The following PKD2 variants were observed in gnomAD, a reference collection of about 807,000 sequenced individuals.
The protein encoded by PKD2 is polycystin-2.
In PKD2, 48 loss-of-function variants were observed where a neutral mutation model predicts 105.9. That is an observed-to-expected ratio of 0.45 (90% CI 0.36 to 0.58). The LOEUF (loss-of-function observed/expected upper bound fraction) is 0.58. Among genes scored for constraint, PKD2 ranks in the 20% least tolerant of loss-of-function variants. PKD2 has a pLI of 0.00. For synonymous variants in PKD2, 464 were observed against 481.1 expected (o/e 0.96, Z 0.46); for missense variants, 1,078 against 1,255.3 (o/e 0.86, Z 2.13).
intron 2 of PKD2, among the ~76,000 whole-genome samples, chr4:88,027,167 C>T (rs1489961770): frequency 1.3e-5 from 2 of 152,204 alleles, no homozygotes; most frequent in Non-Finnish European, 2.9e-5. Context: ...ATGGTAGATC[C>T]ACCAACAGAT....
intron 6 of PKD2, among the ~76,000 whole-genome samples, chr4:88,051,739 CACAT>C (rs1361669231): frequency 2.0e-5 from 3 of 152,124 alleles, no homozygotes; most frequent in African/African-American, 7.2e-5. Context: ...TATGTGCACA[CACAT>C]GCATGCATGC....
intron 13 of PKD2, among the ~76,000 whole-genome samples, chr4:88,068,506 T>C (rs1415840298): frequency 6.6e-6 from 1 of 152,086 alleles, no homozygotes; most frequent in African/African-American, 2.4e-5. Flanking sequence ...GTTTTGTTTC[T>C]TACATAATAT....
intron 10 of PKD2, 118 bp downstream of exon 10, chr4:88,062,122 T>G: frequency 1.5e-6 from 1 of 669,834 alleles, no homozygotes; most frequent in Non-Finnish European, 2.8e-6. Context: ...AAGAATACAT[T>G]GCTATATTTC....
At position 88,077,072 on chromosome 4, in the gene PKD2, G is replaced by A. The variant is rs370472461; in HGVS notation, c.*1378G>A. On this transcript the variant is annotated 3_prime_UTR_variant, in exon 15 of 15. Transcript: ENST00000237596. ...AAATCTTCTTTTACAGAAATGTTGA[G>A]TAAGGTGACATTTTGAGCGCTAATA... The A allele has an allele frequency of 8.5e-5, 13 of 152,322 alleles. 1 individual carries two copies. The East Asian group carries it at 1.9e-3, about 23-fold the overall frequency. 9.4% of individuals were successfully genotyped at this position (152,322 alleles called of 1,614,324 possible).
intron 6 of PKD2, among the ~76,000 whole-genome samples, chr4:88,048,673 G>A (rs192273251): frequency 3.0e-4 from 45 of 152,196 alleles, no homozygotes; most frequent in Admixed American, 1.1e-3. Flanking sequence ...CTGTAGAATA[G>A]ATGGTGTTGA....
Position 88,056,307 on chromosome 4 carries a change from G to T in PKD2, c.1898+40G>T, listed in dbSNP as rs1304862322. The stretch of plus-strand genomic sequence containing the variant: ...AATTAAGAAGAAAAATTTAATCAGA[G>T]TTGTCACTGCTTCTCAAGAATAAAT... On this transcript the variant is annotated intron_variant, in intron 8 of 14. Coordinates refer to ENST00000237596, the MANE Select transcript of PKD2 (RefSeq NM_000297.4). 3 of 1,228,084 alleles carry T rather than the reference G, an allele frequency of 2.4e-6. No homozygotes were observed. In the East Asian group the frequency reaches 7.4e-5, roughly 30 times the overall value. The allele number at this position is 1,228,084 out of a possible 1,614,324, so 76.1% of individuals were successfully genotyped here.
chr4:88,067,999 C>T lies in PKD2; in HGVS notation c.2460C>T (p.Ser820=), dbSNP rs572822238. 693 of 1,613,746 alleles carry T rather than the reference C, an allele frequency of 4.3e-4. 10 individuals are homozygous for T. In the South Asian group the frequency reaches 7.1e-3, roughly 16 times the overall value. ...DDSEEDDDED[S]GHSSRRRGSI... ...CTGAGGAGGATGACGATGAAGATAG[C>T]GGACATAGCTCCAGAAGGAGGGGAA... is the stretch of plus-strand genomic sequence containing the variant. The change falls in exon 13 of 15, where the codon AGC becomes AGT. Residue 820 remains serine (S), a synonymous_variant. Coordinates refer to ENST00000237596, the MANE Select transcript of PKD2 (RefSeq NM_000297.4).
chr4:88,065,304 A>G (rs1336365620), intron 10 of PKD2, 70 bp from the exon 11 acceptor site: 3 of 1,415,068 alleles, frequency 2.1e-6, no homozygotes, highest in East Asian at 4.6e-5. Flanking sequence ...ACTACTGTGA[A>G]TGGAAAGTAA....
At chr4:88,038,732 G>A (rs147232046) in intron 4 of PKD2, among the ~76,000 whole-genome samples, 34 of 152,178 alleles carry the variant, frequency 2.2e-4, no homozygotes, top group Admixed American at 4.6e-4. Flanking sequence ...AGACTAAATC[G>A]TTGACCATAT....
chr4:88,033,552 A>G (rs1727234504), intron 2 of PKD2, among the ~76,000 whole-genome samples: 2 of 152,228 alleles, frequency 1.3e-5, no homozygotes, highest in East Asian at 1.9e-4. Flanking sequence ...TGAAGCTATT[A>G]AAGCCAATAC....
intron 4 of PKD2, among the ~76,000 whole-genome samples, chr4:88,041,108 A>G (rs1186952337): frequency 6.6e-6 from 1 of 152,170 alleles, no homozygotes; most frequent in African/African-American, 2.4e-5. Flanking sequence ...GCCCCAAACT[A>G]AACTCATCGT....
At chr4:88,025,471 A>T (rs2110094892) in intron 2 of PKD2, among the ~76,000 whole-genome samples, 1 of 152,016 alleles carries the variant, frequency 6.6e-6, no homozygotes, top group South Asian at 2.1e-4. Context: ...AAAATTAGCC[A>T]GGCATGGTGG....
Position 88,042,918 on chromosome 4 carries a change from C to T in PKD2, c.1095-315C>T, listed in dbSNP as rs189987427. Among the ~76,000 whole-genome samples the T allele has an allele frequency of 1.8e-3, 272 of 152,242 alleles. 1 individual carries two copies. Among genetic ancestry groups the T allele is most frequent in the African/African-American group, 6.2e-3 (257 of 41,542 alleles). Reference sequence around the variant, plus strand: ...AGCACAGTTACCCAGAGAAGGCAGCCGTATAAACTGAGCAGAGGCTCTAGA... The same window carrying T: ...AGCACAGTTACCCAGAGAAGGCAGCTGTATAAACTGAGCAGAGGCTCTAGA... On this transcript the variant is annotated intron_variant, in intron 4 of 14. Coordinates refer to ENST00000237596, the MANE Select transcript of PKD2 (RefSeq NM_000297.4).
At position 88,007,906 on chromosome 4, in the gene PKD2, G is replaced by A. The variant is rs1726230143; in HGVS notation, c.173G>A (p.Arg58His). ...CGGGGCCTGGAGATCGAGATGCAGC[G>A]CATCCGGCAGGCGGCCGCGCGGGAC... ...EQRGLEIEMQRIRQAAARDPP... is the reference protein window; with the variant it reads ...EQRGLEIEMQHIRQAAARDPP... The change falls in exon 1 of 15, where the codon CGC (arginine) becomes CAC (histidine). Residue 58 changes from arginine to histidine, a missense_variant. Coordinates refer to ENST00000237596, the MANE Select transcript of PKD2 (RefSeq NM_000297.4). 1.4e-6 allele frequency: 2 copies of A among 1,426,210 alleles called. No homozygotes were observed. The highest frequency in any genetic ancestry group is 2.4e-5 in the Admixed American group (1 of 42,548). 88.3% of individuals were successfully genotyped at this position (1,426,210 alleles called of 1,614,324 possible).
chr4:88,063,698 C>T (rs149956694), intron 10 of PKD2, among the ~76,000 whole-genome samples: 14 of 152,020 alleles, frequency 9.2e-5, no homozygotes, highest in African/African-American at 3.4e-4. Context: ...TCAAGAGATC[C>T]AGATATGGAG....
rs1560591780 is a variant in PKD2 at position 88,007,786 on chromosome 4, CG to C, written c.54del (p.Ala20ArgfsTer10). 4.3e-6 allele frequency: 5 copies of C among 1,159,210 alleles called. No individual in the cohort carries two copies. The highest frequency in any genetic ancestry group is 5.3e-6 in the Non-Finnish European group (5 of 936,782). The allele number at this position is 1,159,210 out of a possible 1,614,324, so 71.8% of individuals were successfully genotyped here. On this transcript the variant is annotated frameshift_variant, in exon 1 of 15. Transcript: ENST00000237596. LOFTEE classifies it high-confidence loss of function. ...QPQQPGDAKR[P>X]PAPRAPDPGR... Reference sequence around the variant, plus strand: ...CAGCAGCCCGGGGACGCCAAGCGGCCGCCCGCGCCCCGCGCGCCGGACCCGG... The same window carrying C: ...CAGCAGCCCGGGGACGCCAAGCGGCCCCCGCGCCCCGCGCGCCGGACCCGG...
rs116556389 is a variant in PKD2 at position 88,010,117 on chromosome 4, C to T, written c.595+1789C>T. On this transcript the variant is annotated intron_variant, in intron 1 of 14. Transcript: ENST00000237596. ...GAATTTTTTTTTTTTTTTTAAGAGTCGGGGTTTCACTCTGTCACTGAGGCT... is the reference window on the plus strand; with the variant it reads ...GAATTTTTTTTTTTTTTTTAAGAGTTGGGGTTTCACTCTGTCACTGAGGCT... 9.4e-3 allele frequency among the ~76,000 whole-genome samples: 1,376 copies of T among 146,810 alleles called. 26 individuals are homozygous for T. The highest frequency in any genetic ancestry group is 0.033 in the African/African-American group (1,306 of 39,528).
In PKD2 at chr4:88,019,619, TGACCTATCCAAATCATAATTA is replaced by T. The variant is rs756681400; in HGVS notation, c.709+49_709+69del. The T allele has an allele frequency of 5.8e-5, 59 of 1,019,312 alleles. No individual in the cohort carries two copies. The Middle Eastern group carries it at 1.0e-3, about 18-fold the overall frequency. 63.1% of individuals were successfully genotyped at this position (1,019,312 alleles called of 1,614,324 possible). On this transcript the variant is annotated intron_variant, in intron 2 of 14. Transcript: ENST00000237596. Reference sequence around the variant, plus strand: ...CTAATGGGAAAGTTTTGAAAAGATTTGACCTATCCAAATCATAATTAAAAGGAAGTGTGTATGCACCAGAGG... The same window carrying T: ...CTAATGGGAAAGTTTTGAAAAGATTTAAAGGAAGTGTGTATGCACCAGAGG...
At chr4:88,034,513 A>G (rs1314218628) in intron 2 of PKD2, among the ~76,000 whole-genome samples, 2 of 151,922 alleles carry the variant, frequency 1.3e-5, no homozygotes, top group Non-Finnish European at 2.9e-5. Flanking sequence ...TACTAAAAAT[A>G]AAAAATCAGC....
Sources: allele counts gnomAD v4.1 joint callset (sites outside exome capture counted in the v4.1 genomes callset), GRCh38; gene constraint gnomAD v4.1.1; transcripts MANE v1.5; gene names NCBI Gene and HGNC (gene_info 2026-07-23, HGNC 2026-07-21).